CDH19: variants seen among roughly 807,000 people sequenced by gnomAD.
The protein encoded by CDH19 is cadherin-19.
Under a neutral mutation model 64.2 loss-of-function variants are expected in CDH19, and 67 were observed. The observed-to-expected ratio is 1.04, with a 90% CI of 0.86 to 1.28. The LOEUF (loss-of-function observed/expected upper bound fraction) is 1.28. CDH19 is among the 50% of genes most tolerant of loss of function. The probability of loss-of-function intolerance (pLI) is 0.00; values close to 1 mark genes in which losing one functional copy is unlikely to be tolerated. For missense variants in CDH19, 1,030 were observed against 929.0 expected (o/e 1.11, Z -1.41); for synonymous variants, 346 against 319.3 (o/e 1.08, Z -0.89).
At chr18:66,595,641 A>G (rs1988867005) in intron 1 of CDH19, among the ~76,000 whole-genome samples, 1 of 152,070 alleles carries the variant, frequency 6.6e-6, no homozygotes, top group African/African-American at 2.4e-5. Flanking sequence ...GAAAGAGATT[A>G]ATAGTGAGTT....
intron 10 of CDH19, among the ~76,000 whole-genome samples, chr18:66,510,534 A>C (rs1985425232): frequency 6.8e-6 from 1 of 147,074 alleles, no homozygotes; most frequent in Non-Finnish European, 1.5e-5. Flanking sequence ...TTTAACTTAG[A>C]GTATAATAAT....
intron 9 of CDH19, among the ~76,000 whole-genome samples, chr18:66,520,610 G>T (rs1985942628): frequency 1.3e-5 from 2 of 151,652 alleles, no homozygotes; most frequent in South Asian, 4.1e-4. Flanking sequence ...ATTTTATATT[G>T]TTTTAAAATT....
intron 2 of CDH19, among the ~76,000 whole-genome samples, chr18:66,570,731 A>C (rs1988074598): frequency 6.6e-6 from 1 of 151,820 alleles, no homozygotes; most frequent in African/African-American, 2.4e-5. Flanking sequence ...GAAATGAAAA[A>C]ATAGGCAAAA....
intron 11 of CDH19, among the ~76,000 whole-genome samples, chr18:66,505,913 G>T (rs561476252): frequency 1.3e-5 from 2 of 151,980 alleles, no homozygotes; most frequent in East Asian, 1.9e-4. Context: ...TTATAGATGA[G>T]AAAACTGAAG....
Position 66,503,357 on chromosome 18 carries a change from G to T in CDH19, c.*1455C>A, listed in dbSNP as rs1985029835. ...ATTTTATATTCAATAATAAAAAAAT[G>T]ACACTGAAGCATCAGTCATATTCCA... On this transcript the variant is annotated 3_prime_UTR_variant, in exon 12 of 12. Transcript: ENST00000262150. The T allele has an allele frequency of 6.6e-6, 1 of 151,682 alleles. No individual in the cohort carries two copies. Among genetic ancestry groups the T allele is most frequent in the Non-Finnish European group, 1.5e-5 (1 of 67,808 alleles). 9.4% of individuals were successfully genotyped at this position (151,682 alleles called of 1,614,324 possible).
chr18:66,523,293 A>G (rs2144391242), intron 9 of CDH19, among the ~76,000 whole-genome samples: 1 of 152,300 alleles, frequency 6.6e-6, no homozygotes, highest in African/African-American at 2.4e-5. Context: ...ATTCTAAGCT[A>G]TAATATCAGA....
intron 9 of CDH19, 105 bp from the exon 10 acceptor site, chr18:66,511,790 T>C (rs1985503413): frequency 1.5e-6 from 1 of 685,038 alleles, no homozygotes. Context: ...TTACAATCAA[T>C]AGGGACATTG....
At chr18:66,532,044 G>A (rs1360403149) in intron 8 of CDH19, among the ~76,000 whole-genome samples, 1 of 152,060 alleles carries the variant, frequency 6.6e-6, no homozygotes, top group African/African-American at 2.4e-5. Flanking sequence ...CCAGCTCACT[G>A]CAACCTCCAC....
chr18:66,504,916 C>A lies in CDH19; in HGVS notation c.2215G>T (p.Ala739Ser), dbSNP rs1985109272. Residue 739 changes from alanine to serine, a missense_variant, in exon 12 of 12, where the codon GCA becomes TCA. By Grantham distance (99) the Ala-to-Ser change is moderately conservative. Coordinates refer to ENST00000262150, the MANE Select transcript of CDH19 (RefSeq NM_021153.4). ...TAGCTTTCATCCTGATCAGAGACTG[C>A]TGATTCTAAGGAGCTCAGGGATCCA... ...LAGSLSSLES[A>S]VSDQDESYDY... 38 of 1,613,366 alleles carry A rather than the reference C, an allele frequency of 2.4e-5. No individual in the cohort carries two copies. Among genetic ancestry groups the A allele is most frequent in the Non-Finnish European group, 3.1e-5 (36 of 1,179,716 alleles).
At chr18:66,537,124 A>G (rs1986703820) in intron 7 of CDH19, among the ~76,000 whole-genome samples, 1 of 151,962 alleles carries the variant, frequency 6.6e-6, no homozygotes, top group Admixed American at 6.6e-5. Flanking sequence ...AATCGCTATA[A>G]TTTAATTAAT....
At chr18:66,506,468 A>G (rs896990610) in intron 11 of CDH19, among the ~76,000 whole-genome samples, 1 of 152,004 alleles carries the variant, frequency 6.6e-6, no homozygotes, top group South Asian at 2.1e-4. Context: ...ACAATAAAAT[A>G]AAAAAAGACA....
At chr18:66,568,264 A>T in intron 3 of CDH19, 152 bp downstream of exon 3, 1 of 582,304 alleles carries the variant, frequency 1.7e-6, no homozygotes, top group Non-Finnish European at 2.9e-6. Flanking sequence ...ATTTTGATGC[A>T]TAGTCTAATT....
chr18:66,580,166 G>A (rs1006265092), intron 1 of CDH19, among the ~76,000 whole-genome samples: 1 of 151,912 alleles, frequency 6.6e-6, no homozygotes, highest in Non-Finnish European at 1.5e-5. Flanking sequence ...ACCAGCTATT[G>A]ATGACAATGT....
intron 10 of CDH19, among the ~76,000 whole-genome samples, chr18:66,510,405 TTATTTTA>T (rs1422439093): frequency 4.0e-5 from 6 of 149,564 alleles, no homozygotes; most frequent in African/African-American, 1.5e-4. Context: ...CCTCAGTAAT[TTATTTTA>T]TATTAATATA....
At chr18:66,532,811 C>A in intron 8 of CDH19, 2 of 425,962 alleles carry the variant, frequency 4.7e-6, no homozygotes, top group Non-Finnish European at 9.4e-6. Context: ...TTAAGTTGTC[C>A]TTTGGATAAA....
At chr18:66,550,885 C>T (rs1233162381) in intron 5 of CDH19, among the ~76,000 whole-genome samples, 3 of 152,058 alleles carry the variant, frequency 2.0e-5, no homozygotes, top group Admixed American at 1.3e-4. Flanking sequence ...CAATTTATTA[C>T]AGCAAGAATA....
At chr18:66,536,860 AT>A (rs1986694822) in intron 7 of CDH19, among the ~76,000 whole-genome samples, 1 of 151,724 alleles carries the variant, frequency 6.6e-6, no homozygotes, top group African/African-American at 2.4e-5. Flanking sequence ...TATTTTTCCC[AT>A]TTTTAAACTA....
intron 9 of CDH19, among the ~76,000 whole-genome samples, chr18:66,514,445 G>C (rs1271669197): frequency 6.6e-6 from 1 of 151,274 alleles, no homozygotes; most frequent in African/African-American, 2.4e-5. Context: ...AGATTTTCTA[G>C]GGTAAGAGTA....
At chr18:66,577,045 G>C (rs1374750871) in intron 1 of CDH19, among the ~76,000 whole-genome samples, 1 of 151,578 alleles carries the variant, frequency 6.6e-6, no homozygotes, top group Non-Finnish European at 1.5e-5. Context: ...ATAAAATACT[G>C]CTAAGAGGAA....
Sources: gnomAD v4.1 joint callset for allele counts (sites outside exome capture counted in the v4.1 genomes callset) on GRCh38, gnomAD v4.1.1 for gene constraint, MANE v1.5 for transcripts, NCBI Gene and HGNC (gene_info 2026-07-23, HGNC 2026-07-21) for gene names.